GLI2: variants seen among roughly 807,000 people sequenced by gnomAD.
GLI2 encodes the protein transcription activator GLI2.
In GLI2, 22 loss-of-function variants were observed where a neutral mutation model predicts 78.9. The observed-to-expected ratio is 0.28, with a 90% CI of 0.20 to 0.40. The LOEUF is 0.40. GLI2 is among the 10% of genes least tolerant of loss of function. GLI2 has a pLI of 1.00. For synonymous variants in GLI2, 974 were observed against 963.7 expected, an observed-to-expected ratio of 1.01 and a Z score of -0.20; for missense variants, 2,097 against 2,213.2, an observed-to-expected ratio of 0.95 and a Z score of 1.05.
In GLI2 at chr2:120,899,494, G is replaced by A. The variant is rs574069024; in HGVS notation, c.149-27867G>A. Among the ~76,000 whole-genome samples the A allele has an allele frequency of 5.9e-5, 9 of 152,266 alleles. No homozygotes were observed. In the South Asian group the frequency reaches 6.2e-4, roughly 11 times the overall value. ...TCAGGCTGCAGCTTCCCCAAGGAAG[G>A]CGAGTGCCCCGAGCCTGCTCCTAGC... On this transcript the variant is annotated intron_variant, in intron 2 of 13. Transcript: ENST00000361492.
chr2:120,834,133 G>C (rs11122825), intron 2 of GLI2, among the ~76,000 whole-genome samples: 14,814 of 152,228 alleles, frequency 0.097, 832 homozygotes, highest in East Asian at 0.21. Flanking sequence ...GTTTTAGCAT[G>C]ATTCAGGTAT....
Position 120,991,367 on chromosome 2 carries a change from G to GT in GLI2, c.*693dup, listed in dbSNP as rs1683287976. The GT allele has an allele frequency of 6.5e-6, 1 of 152,694 alleles. No individual in the cohort carries two copies. Among genetic ancestry groups the GT allele is most frequent in the African/African-American group, 2.4e-5 (1 of 41,458 alleles). The allele number at this position is 152,694 out of a possible 1,614,324, so 9.5% of individuals were successfully genotyped here. On this transcript the variant is annotated 3_prime_UTR_variant, in exon 14 of 14. Coordinates refer to ENST00000361492, the MANE Select transcript of GLI2 (RefSeq NM_001374353.1). ...AAGTATATATGAATGAATAAAGTAT[G>GT]TAAGTATCACCAGAAAAAGGAAAGA...
chr2:120,912,807 C>T (rs189469689), intron 2 of GLI2, among the ~76,000 whole-genome samples: 6 of 152,276 alleles, frequency 3.9e-5, no homozygotes, highest in Middle Eastern at 3.4e-3. Flanking sequence ...TTATCAAGAA[C>T]GCAGCGGGCA....
intron 1 of GLI2, among the ~76,000 whole-genome samples, chr2:120,763,730 G>C (rs139512601): frequency 3.9e-5 from 6 of 152,204 alleles, no homozygotes; most frequent in Admixed American, 3.3e-4. Context: ...CTTGCCCCAC[G>C]CCCGGAAGCA....
At chr2:120,912,191 A>C (rs1678855881) in intron 2 of GLI2, among the ~76,000 whole-genome samples, 1 of 152,002 alleles carries the variant, frequency 6.6e-6, no homozygotes, top group Non-Finnish European at 1.5e-5. Flanking sequence ...CCTAGATCTT[A>C]AACCCTGTTT....
At chr2:120,861,903 C>T (rs758831253) in intron 2 of GLI2, among the ~76,000 whole-genome samples, 5 of 152,108 alleles carry the variant, frequency 3.3e-5, no homozygotes, top group Non-Finnish European at 5.9e-5. Flanking sequence ...TCTGGCAGCT[C>T]GGCAGATTTC....
At chr2:120,875,369 A>G (rs1688683502) in intron 2 of GLI2, among the ~76,000 whole-genome samples, 1 of 152,218 alleles carries the variant, frequency 6.6e-6, no homozygotes, top group African/African-American at 2.4e-5. Flanking sequence ...CTAGGGATTC[A>G]AGCTCTGGGA....
At position 120,959,712 on chromosome 2, in the gene GLI2, G is replaced by A. The variant is rs138503630; in HGVS notation, c.643+4282G>A. ...CCCCTCCCGTGAACCATGGGAGCTGGGGAGGTGTTTTCGGTGGGTGCCTGC... is the reference window on the plus strand; with the variant it reads ...CCCCTCCCGTGAACCATGGGAGCTGAGGAGGTGTTTTCGGTGGGTGCCTGC... On this transcript the variant is annotated intron_variant, in intron 5 of 13. Coordinates refer to ENST00000361492, the MANE Select transcript of GLI2 (RefSeq NM_001374353.1). Among the ~76,000 whole-genome samples, 498 of 152,264 alleles carry A rather than the reference G, an allele frequency of 3.3e-3. 1 individual carries two copies. Among genetic ancestry groups the A allele is most frequent in the African/African-American group, 0.012 (481 of 41,538 alleles).
intron 1 of GLI2, among the ~76,000 whole-genome samples, chr2:120,787,548 TTCACCCCAGCCC>T (rs1323962517): frequency 6.6e-6 from 1 of 152,164 alleles, no homozygotes; most frequent in Non-Finnish European, 1.5e-5. Context: ...CTGAGAGGCC[TTCACCCCAGCCC>T]TCAGCCTGCC....
intron 2 of GLI2, among the ~76,000 whole-genome samples, chr2:120,898,177 A>AACACACACACAC (rs55794893): frequency 0.018 from 2,466 of 140,248 alleles, 26 homozygotes; most frequent in African/African-American, 0.03. Flanking sequence ...TATAGATTAA[A>AACACACACACAC]ACACACACAC....
In GLI2 at chr2:120,951,337, G is replaced by A. The variant is rs775984106; in HGVS notation, c.349G>A (p.Ala117Thr). 148 of 1,572,930 alleles carry A rather than the reference G, an allele frequency of 9.4e-5. No individual in the cohort carries two copies. Among genetic ancestry groups the A allele is most frequent in the Non-Finnish European group, 1.2e-4 (138 of 1,142,940 alleles). The change falls in exon 4 of 14, where the codon GCC becomes ACC. Residue 117 changes from alanine to threonine, a missense_variant. Ala to Thr is a moderately conservative substitution (Grantham distance 58). Around this residue, in one of 5 missense-constraint regions of GLI2, gnomAD observed 578 missense variants for 612.0 expected, o/e 0.94. Transcript: ENST00000361492. ...TGGCCCTGGGGAGTCCCCCTTCAAC[G>A]CCCCCCACCCGTACGTGAACCCCCA... ...PAGPGESPFN[A>T]PHPYVNPHME...
At chr2:120,861,075 C>T (rs1228028347) in intron 2 of GLI2, among the ~76,000 whole-genome samples, 1 of 152,170 alleles carries the variant, frequency 6.6e-6, no homozygotes, top group Non-Finnish European at 1.5e-5. Flanking sequence ...TGAGAGCTGT[C>T]ATTTATTATG....
intron 2 of GLI2, among the ~76,000 whole-genome samples, chr2:120,811,478 G>A (rs1182100253): frequency 6.6e-6 from 1 of 152,208 alleles, no homozygotes; most frequent in Non-Finnish European, 1.5e-5. Context: ...GCATCGCTAA[G>A]GAGGGCTCCT....
chr2:120,844,917 T>G (rs552039397), intron 2 of GLI2, among the ~76,000 whole-genome samples: 17 of 152,166 alleles, frequency 1.1e-4, no homozygotes, highest in Admixed American at 2.6e-4. Flanking sequence ...CTCTCTAGCC[T>G]CCTGTTCTCC....
intron 1 of GLI2, among the ~76,000 whole-genome samples, chr2:120,742,223 G>A (rs762745692): frequency 2.0e-5 from 3 of 152,194 alleles, no homozygotes; most frequent in Non-Finnish European, 2.9e-5. Flanking sequence ...AGGAAAGGAA[G>A]GGCGGTCCTC....
At chr2:120,916,434 C>A (rs1001043691) in intron 2 of GLI2, among the ~76,000 whole-genome samples, 3 of 152,256 alleles carry the variant, frequency 2.0e-5, no homozygotes, top group Admixed American at 6.5e-5. Flanking sequence ...CTGGCTCTGC[C>A]AGGTCTGGCC....
chr2:120,816,463 G>A (rs1685498984), intron 2 of GLI2, among the ~76,000 whole-genome samples: 1 of 151,986 alleles, frequency 6.6e-6, no homozygotes, highest in Admixed American at 6.6e-5. Flanking sequence ...CCAAAGTGCT[G>A]GGATTACAGG....
chr2:120,772,560 AGGCCTGCTGAGCCCTTCGGGCCT>A (rs1202546101), intron 1 of GLI2, among the ~76,000 whole-genome samples: 1 of 152,224 alleles, frequency 6.6e-6, no homozygotes, highest in Non-Finnish European at 1.5e-5. Context: ...GATAGGAAGG[AGGCCTGCTGAGCCCTTCGGGCCT>A]GGCCATAGGC....
At chr2:120,751,351 C>T (rs1311846058) in intron 1 of GLI2, among the ~76,000 whole-genome samples, 1 of 152,156 alleles carries the variant, frequency 6.6e-6, no homozygotes, top group Non-Finnish European at 1.5e-5. Flanking sequence ...CCCCTTCCCC[C>T]CAAACTTTAC....
Sources: gnomAD v4.1 joint callset for allele counts (sites outside exome capture counted in the v4.1 genomes callset) on GRCh38, gnomAD v4.1.1 for gene constraint, gnomAD v4.1.1 regional missense constraint, MANE v1.5 for transcripts, NCBI Gene and HGNC (gene_info 2026-07-23, HGNC 2026-07-21) for gene names.